SREBF2: variants seen among roughly 807,000 people sequenced by gnomAD.
SREBF2 encodes the protein sterol regulatory element-binding protein 2.
In SREBF2, 55 loss-of-function variants were observed where a neutral mutation model predicts 113.1. The observed-to-expected ratio is 0.49, with a 90% CI of 0.39 to 0.61. The LOEUF is 0.61. Ranked by LOEUF, SREBF2 falls within the 20% of genes least tolerant of loss-of-function variation. SREBF2 has a pLI of 0.00. For synonymous variants in SREBF2, 593 were observed against 605.7 expected (o/e 0.98, Z 0.31); for missense variants, 1,349 against 1,487.4 (o/e 0.91, Z 1.53).
At chr22:41,898,142 C>G (rs919974625) in intron 14 of SREBF2, among the ~76,000 whole-genome samples, 1 of 152,062 alleles carries the variant, frequency 6.6e-6, no homozygotes, top group Non-Finnish European at 1.5e-5. Context: ...CGGAGTCTTA[C>G]TCTTGTTGCC....
chr22:41,851,143 CATGA>C (rs1401882664), intron 1 of SREBF2, among the ~76,000 whole-genome samples: 2 of 152,102 alleles, frequency 1.3e-5, no homozygotes, highest in African/African-American at 4.8e-5. Context: ...TCATGGAGGA[CATGA>C]ATGAATTTAA....
chr22:41,851,530 G>A (rs2076930324), intron 1 of SREBF2, among the ~76,000 whole-genome samples: 1 of 151,640 alleles, frequency 6.6e-6, no homozygotes, highest in Non-Finnish European at 1.5e-5. Flanking sequence ...TCTTGCTCTT[G>A]TCCCCCAGTC....
rs1041348088 is a variant in SREBF2 at position 41,865,657 on chromosome 22, C to G, written c.89-1174C>G. Reference sequence around the variant, plus strand: ...AAGCGAGGTCTCCAGGTGGACAAATCCCTTTGGACCCAAGACTCCTTGCCC... The same window carrying G: ...AAGCGAGGTCTCCAGGTGGACAAATGCCTTTGGACCCAAGACTCCTTGCCC... On this transcript the variant is annotated intron_variant, in intron 1 of 18. Transcript: ENST00000361204. Among the ~76,000 whole-genome samples, 27 of 152,170 alleles carry G rather than the reference C, an allele frequency of 1.8e-4. No individual in the cohort carries two copies. In the East Asian group the frequency reaches 2.7e-3, roughly 15 times the overall value.
intron 7 of SREBF2, among the ~76,000 whole-genome samples, chr22:41,876,342 G>A (rs564142394): frequency 7.4e-4 from 113 of 152,254 alleles, no homozygotes; most frequent in African/African-American, 2.6e-3. Flanking sequence ...CCTAGTGTTT[G>A]TTTTTGACTA....
intron 1 of SREBF2, among the ~76,000 whole-genome samples, chr22:41,840,799 A>G (rs189964413): frequency 2.6e-5 from 4 of 152,300 alleles, no homozygotes; most frequent in African/African-American, 9.6e-5. Flanking sequence ...CTGGGCCGAC[A>G]GTCACTGTCC....
In SREBF2 at chr22:41,877,402, T is replaced by G. The variant is rs775558846; in HGVS notation, c.1560T>G (p.Ser520Arg). The G allele has an allele frequency of 1.1e-5, 17 of 1,614,108 alleles. No individual in the cohort carries two copies. Among genetic ancestry groups the G allele is most frequent in the Non-Finnish European group, 1.4e-5 (17 of 1,180,034 alleles). Residue 520 changes from serine to arginine, a missense_variant, in exon 8 of 19, where the codon AGT (serine) becomes AGG (arginine). By Grantham distance (110) the Ser-to-Arg change is moderately radical (BLOSUM62 -1). This residue lies in a region of SREBF2 where 699 missense variants were observed against 843.3 expected (regional missense o/e 0.83). Coordinates refer to ENST00000361204, the MANE Select transcript of SREBF2 (RefSeq NM_004599.4). ...ACCCACACTCAGGCTCTGGCCGCAG[T>G]GTCCTGTCATTCGAGTCAGGTAGGT... Reference protein sequence around the residue: ...DQHPHSGSGRSVLSFESGSGG... With the variant: ...DQHPHSGSGRRVLSFESGSGG...
At chr22:41,888,438 A>G (rs766435853) in intron 11 of SREBF2, among the ~76,000 whole-genome samples, 1 of 151,272 alleles carries the variant, frequency 6.6e-6, no homozygotes, top group Non-Finnish European at 1.5e-5. Context: ...TCATAAATCA[A>G]GGATCCGTGT....
chr22:41,860,108 A>G (rs1383276347), intron 1 of SREBF2, among the ~76,000 whole-genome samples: 2 of 152,018 alleles, frequency 1.3e-5, no homozygotes, highest in Non-Finnish European at 2.9e-5. Flanking sequence ...CCAGGCCGAC[A>G]TGGTGATTCT....
intron 7 of SREBF2, among the ~76,000 whole-genome samples, chr22:41,876,144 G>C (rs1007509837): frequency 9.2e-5 from 14 of 152,224 alleles, no homozygotes; most frequent in African/African-American, 3.4e-4. Flanking sequence ...ATTACAATTT[G>C]CAGTCTAACA....
intron 1 of SREBF2, among the ~76,000 whole-genome samples, chr22:41,846,780 G>T (rs1057034186): frequency 1.3e-5 from 2 of 152,078 alleles, no homozygotes; most frequent in African/African-American, 4.8e-5. Context: ...CGTTAAGCTC[G>T]GTTTTCACTG....
chr22:41,865,746 G>C (rs1417669496), intron 1 of SREBF2, among the ~76,000 whole-genome samples: 1 of 152,166 alleles, frequency 6.6e-6, no homozygotes, highest in Non-Finnish European at 1.5e-5. Flanking sequence ...AGTTCAGGGT[G>C]GGGCAGGCTT....
Position 41,894,847 on chromosome 22 carries a change from C to T in SREBF2, c.2405C>T (p.Ala802Val). 6.2e-7 allele frequency: 1 copy of T among 1,614,192 alleles called. No homozygotes were observed. Residue 802 changes from alanine to valine, a missense_variant, in exon 13 of 19, where the codon GCC (alanine) becomes GTC (valine). Ala to Val is a moderately conservative substitution (Grantham distance 64). Coordinates refer to ENST00000361204, the MANE Select transcript of SREBF2 (RefSeq NM_004599.4). ...PADPIAQVHQAFCKNLLERAI... is the reference protein window; with the variant it reads ...PADPIAQVHQVFCKNLLERAI... ...GACCCCATTGCGCAGGTCCACCAGG[C>T]CTTCTGCAAGAACCTGCTGGAGCGA...
chr22:41,874,430 G>A (rs1481835644), intron 5 of SREBF2, among the ~76,000 whole-genome samples: 1 of 152,172 alleles, frequency 6.6e-6, no homozygotes, highest in African/African-American at 2.4e-5. Flanking sequence ...TCTTTGACCA[G>A]CAACACATAG....
chr22:41,833,513 G>C lies in SREBF2; in HGVS notation c.88+155G>C, dbSNP rs1423816696. ...GCCCCCGGCGGTCCTCAACCCTTCC[G>C]GCGCTGCGAGCGTGAGCCCGACCCA... On this transcript the variant is annotated intron_variant, in intron 1 of 18. Coordinates refer to ENST00000361204, the MANE Select transcript of SREBF2 (RefSeq NM_004599.4). This position sits in a 1 kb window ranked among gnomAD's most constrained non-coding sequence, Gnocchi z 4.1. 5.4e-6 allele frequency: 3 copies of C among 558,360 alleles called. No homozygotes were observed. Among genetic ancestry groups the C allele is most frequent in the Admixed American group, 4.2e-5 (1 of 23,800 alleles). 34.6% of individuals were successfully genotyped at this position (558,360 alleles called of 1,614,324 possible).
At chr22:41,885,115 GC>G in intron 11 of SREBF2, 104 bp downstream of exon 11, 1 of 1,380,854 alleles carries the variant, frequency 7.2e-7, no homozygotes, top group African/African-American at 1.4e-5. Context: ...ATCAGGTGCT[GC>G]CCACCTGGAG....
chr22:41,890,171 A>G (rs934855395), intron 11 of SREBF2, among the ~76,000 whole-genome samples: 2 of 152,134 alleles, frequency 1.3e-5, no homozygotes, highest in African/African-American at 4.8e-5. Context: ...TTTCTTACCA[A>G]TACATGAACC....
At chr22:41,841,047 G>C (rs1190160585) in intron 1 of SREBF2, among the ~76,000 whole-genome samples, 2 of 152,198 alleles carry the variant, frequency 1.3e-5, no homozygotes, top group African/African-American at 2.4e-5. Context: ...TGTCTAATGA[G>C]GGAAGGAAAG....
intron 1 of SREBF2, among the ~76,000 whole-genome samples, chr22:41,841,968 A>AC (rs1298667861): frequency 3.9e-5 from 6 of 152,196 alleles, no homozygotes; most frequent in African/African-American, 1.2e-4. Context: ...ATACTTGTGA[A>AC]CAAGTCACTT....
intron 18 of SREBF2, 126 bp from the exon 19 acceptor site, chr22:41,905,314 G>A (rs2077497798): frequency 2.1e-6 from 2 of 949,964 alleles, no homozygotes; most frequent in Admixed American, 4.2e-5. Context: ...CGTGGATTGG[G>A]TGGGGCAGCA....
Sources: allele counts gnomAD v4.1 joint callset (sites outside exome capture counted in the v4.1 genomes callset), GRCh38; gene constraint gnomAD v4.1.1; regional missense constraint gnomAD v4.1.1; non-coding constraint Gnocchi (gnomAD v3.1); transcripts MANE v1.5; gene names NCBI Gene and HGNC (gene_info 2026-07-23, HGNC 2026-07-21).